The following PHACTR1 variants were observed in gnomAD, a reference collection of about 807,000 sequenced individuals.
PHACTR1 encodes phosphatase and actin regulator 1.
PHACTR1 carries 16 observed loss-of-function variants against 69.2 expected under a neutral mutation model. The observed-to-expected ratio is 0.23, with a 90% CI of 0.16 to 0.35. The LOEUF (loss-of-function observed/expected upper bound fraction) is 0.35. Among genes scored for constraint, PHACTR1 ranks in the 10% least tolerant of loss-of-function variants. The pLI, the probability that PHACTR1 is intolerant of heterozygous loss-of-function variation, is 1.00. For missense variants in PHACTR1, 510 were observed against 734.7 expected (o/e 0.69, Z 3.54); for synonymous variants, 312 against 284.5 (o/e 1.10, Z -0.97).
chr6:12,883,705 G>C (rs1783338497), intron 4 of PHACTR1, among the ~76,000 whole-genome samples: 1 of 152,082 alleles, frequency 6.6e-6, no homozygotes, highest in African/African-American at 2.4e-5. Flanking sequence ...CTGAGAGCTG[G>C]AACAAGTTGA....
chr6:12,853,427 C>T (rs55965619), intron 4 of PHACTR1, among the ~76,000 whole-genome samples: 1,923 of 152,214 alleles, frequency 0.013, 21 homozygotes, highest in Non-Finnish European at 0.021. Context: ...TGAGTCAAGA[C>T]AATTTTTTAA....
intron 3 of PHACTR1, among the ~76,000 whole-genome samples, chr6:12,746,178 CAAAG>C (rs1444403998): frequency 2.0e-5 from 3 of 152,008 alleles, no homozygotes; most frequent in Non-Finnish European, 4.4e-5. Flanking sequence ...AGATGAAAGA[CAAAG>C]AAAGTAAATC....
chr6:12,848,438 T>G (rs1371969191), intron 4 of PHACTR1, among the ~76,000 whole-genome samples: 4 of 152,198 alleles, frequency 2.6e-5, no homozygotes, highest in Non-Finnish European at 4.4e-5. Flanking sequence ...TAGGCTCCAT[T>G]AGACTGAATC....
intron 4 of PHACTR1, among the ~76,000 whole-genome samples, chr6:12,919,343 A>C (rs1457730200): frequency 1.3e-5 from 2 of 151,946 alleles, no homozygotes; most frequent in Non-Finnish European, 2.9e-5. Context: ...GGGTTTCACC[A>C]TGTTGGCCAG....
At chr6:12,923,372 G>T (rs1343709072) in intron 4 of PHACTR1, among the ~76,000 whole-genome samples, 1 of 152,024 alleles carries the variant, frequency 6.6e-6, no homozygotes. Context: ...TGAAATTTAG[G>T]ATAAAATATT....
intron 5 of PHACTR1, among the ~76,000 whole-genome samples, chr6:13,071,882 G>T (rs902006078): frequency 2.6e-5 from 4 of 152,174 alleles, no homozygotes; most frequent in Non-Finnish European, 4.4e-5. Flanking sequence ...GTTCAATGCT[G>T]TAGTTTGAGC....
chr6:12,754,585 A>G (rs373669478), intron 4 of PHACTR1, among the ~76,000 whole-genome samples: 1 of 152,148 alleles, frequency 6.6e-6, no homozygotes, highest in Non-Finnish European at 1.5e-5. Context: ...AGCTAACCTG[A>G]TAATCTCATT....
intron 5 of PHACTR1, among the ~76,000 whole-genome samples, chr6:13,058,858 C>A (rs9473355): frequency 6.6e-6 from 1 of 152,016 alleles, no homozygotes; most frequent in Non-Finnish European, 1.5e-5. Flanking sequence ...GAGTGTCGTG[C>A]GGGTTGAGGC....
intron 4 of PHACTR1, 35 bp downstream of exon 4, chr6:12,749,825 G>GCCCTGCTCCCT: frequency 8.1e-7 from 1 of 1,233,518 alleles, no homozygotes; most frequent in East Asian, 3.3e-5. Flanking sequence ...CCCCGCCCCC[G>GCCCTGCTCCCT]CCCTGCTCCC....
intron 4 of PHACTR1, among the ~76,000 whole-genome samples, chr6:12,858,815 CA>C (rs1231881282): frequency 6.6e-6 from 1 of 151,912 alleles, no homozygotes; most frequent in Non-Finnish European, 1.5e-5. Flanking sequence ...CATACACACA[CA>C]CACACACACA....
At chr6:13,129,891 C>G (rs1343811372) in intron 5 of PHACTR1, among the ~76,000 whole-genome samples, 3 of 151,738 alleles carry the variant, frequency 2.0e-5, no homozygotes, top group East Asian at 1.9e-4. Flanking sequence ...CCAAGATAGA[C>G]CATATAATAG....
chr6:13,006,341 GA>G (rs1195871752), intron 4 of PHACTR1, among the ~76,000 whole-genome samples: 1 of 152,162 alleles, frequency 6.6e-6, no homozygotes, highest in African/African-American at 2.4e-5. Flanking sequence ...GTCCTCTGAA[GA>G]AAAACTACCT....
At chr6:13,010,777 C>T (rs541479743) in intron 4 of PHACTR1, among the ~76,000 whole-genome samples, 9 of 151,304 alleles carry the variant, frequency 5.9e-5, no homozygotes, top group African/African-American at 2.2e-4. Flanking sequence ...TGACACTGAG[C>T]GTGATCACAG....
At chr6:12,857,160 T>G (rs1780464414) in intron 4 of PHACTR1, among the ~76,000 whole-genome samples, 1 of 152,212 alleles carries the variant, frequency 6.6e-6, no homozygotes, top group Non-Finnish European at 1.5e-5. Flanking sequence ...CAGGGTTGTT[T>G]GTCTTTATTT....
intron 5 of PHACTR1, among the ~76,000 whole-genome samples, chr6:13,067,088 A>G (rs1287256168): frequency 6.6e-6 from 1 of 152,190 alleles, no homozygotes; most frequent in East Asian, 1.9e-4. Flanking sequence ...CCCAGGTAGA[A>G]TGTGCTTCAA....
At chr6:12,728,023 AT>A (rs1763016372) in intron 3 of PHACTR1, among the ~76,000 whole-genome samples, 2 of 152,114 alleles carry the variant, frequency 1.3e-5, no homozygotes, top group Admixed American at 6.5e-5. Context: ...GGGAAAAAAA[AT>A]GAGAGGGCCA....
chr6:12,989,054 C>T (rs1796514036), intron 4 of PHACTR1, among the ~76,000 whole-genome samples: 1 of 152,198 alleles, frequency 6.6e-6, no homozygotes, highest in South Asian at 2.1e-4. Flanking sequence ...CTGTATTAAC[C>T]ACTCAAGATG....
chr6:13,276,169 C>T (rs1441633751), intron 11 of PHACTR1: 2 of 150,054 alleles, frequency 1.3e-5, no homozygotes, highest in African/African-American at 4.9e-5. Flanking sequence ...ATCTCTAAAT[C>T]CAAAGGAAAG....
intron 11 of PHACTR1, chr6:13,274,699 T>C (rs1778522612): frequency 1.3e-5 from 2 of 152,224 alleles, no homozygotes; most frequent in Admixed American, 1.3e-4. Context: ...CGCTGTGGCT[T>C]GTCCAGATCC....
Sources: gnomAD v4.1 joint callset for allele counts (sites outside exome capture counted in the v4.1 genomes callset) on GRCh38, gnomAD v4.1.1 for gene constraint, MANE v1.5 for transcripts, NCBI Gene and HGNC (gene_info 2026-07-23, HGNC 2026-07-21) for gene names.